Variants in FOXP1 observed in about 807,000 individuals in gnomAD.
The protein encoded by FOXP1 is forkhead box protein P1.
Under a neutral mutation model 98.2 loss-of-function variants are expected in FOXP1, and 15 were observed. The ratio of observed to expected loss-of-function variants is 0.15; its 90% confidence interval spans 0.10 to 0.24. The LOEUF (loss-of-function observed/expected upper bound fraction) is 0.24, where lower values mean the gene tolerates loss of function less well. Among genes scored for constraint, FOXP1 ranks in the 10% least tolerant of loss-of-function variants. The probability of loss-of-function intolerance (pLI) is 1.00; values close to 1 mark genes in which losing one functional copy is unlikely to be tolerated. For missense variants in FOXP1, 633 were observed against 848.5 expected (o/e 0.75, Z 3.15); for synonymous variants, 371 against 314.5 (o/e 1.18, Z -1.90).
chr3:71,358,168 A>T (rs770913247), intron 4 of FOXP1, among the ~76,000 whole-genome samples: 2 of 152,180 alleles, frequency 1.3e-5, no homozygotes, highest in Non-Finnish European at 2.9e-5. Context: ...GGCCTATATT[A>T]AAGGTGAGAT....
intron 2 of FOXP1, among the ~76,000 whole-genome samples, chr3:71,502,180 C>G: frequency 6.6e-6 from 1 of 152,190 alleles, no homozygotes; most frequent in East Asian, 1.9e-4. Context: ...AAACACAAAC[C>G]TTCCGTTCCC....
rs1265740691 is a variant in FOXP1 at position 71,379,350 on chromosome 3, T to C, written c.-167-20106A>G. ...GAAGTTGTTCTCTTTTCAATTCCAC[T>C]TGAACCCTTCAAATTATGTCAAGGA... On this transcript the variant is annotated intron_variant, in intron 3 of 20. Transcript: ENST00000649528. 5.3e-5 allele frequency among the ~76,000 whole-genome samples: 8 copies of C among 152,210 alleles called. 1 individual carries two copies. The highest frequency in any genetic ancestry group is 5.9e-5 in the Non-Finnish European group (4 of 68,046).
At chr3:71,510,336 G>A (rs773469670) in intron 2 of FOXP1, among the ~76,000 whole-genome samples, 4 of 151,750 alleles carry the variant, frequency 2.6e-5, no homozygotes, top group Non-Finnish European at 4.4e-5. Context: ...AATTAGCCAG[G>A]TGTGGTGGTA....
chr3:71,052,093 T>G (rs1405248598), intron 9 of FOXP1, among the ~76,000 whole-genome samples: 1 of 152,150 alleles, frequency 6.6e-6, no homozygotes, highest in East Asian at 1.9e-4. Context: ...CATTTTTGTT[T>G]GTTTATCCAA....
At chr3:71,474,474 G>A (rs901441917) in intron 3 of FOXP1, among the ~76,000 whole-genome samples, 1 of 152,182 alleles carries the variant, frequency 6.6e-6, no homozygotes, top group African/African-American at 2.4e-5. Flanking sequence ...CCTGTTAGAA[G>A]CCAGGCTGCA....
intron 14 of FOXP1, among the ~76,000 whole-genome samples, chr3:70,980,179 G>T (rs748076953): frequency 5.3e-5 from 8 of 152,170 alleles, no homozygotes; most frequent in Non-Finnish European, 1.0e-4. Flanking sequence ...GCAGAGCTGA[G>T]AAGCCAAGGG....
At chr3:71,536,898 G>T (rs1278274648) in intron 2 of FOXP1, among the ~76,000 whole-genome samples, 1 of 152,114 alleles carries the variant, frequency 6.6e-6, no homozygotes, top group Non-Finnish European at 1.5e-5. Context: ...CAACACATGT[G>T]CAGAATAGCA....
At chr3:71,323,866 G>A (rs994275264) in intron 4 of FOXP1, among the ~76,000 whole-genome samples, 60 of 152,150 alleles carry the variant, frequency 3.9e-4, no homozygotes, top group African/African-American at 1.4e-3. Context: ...TGCTTCACCA[G>A]CAGGACACAG....
chr3:71,322,238 C>T (rs2075430275), intron 4 of FOXP1, among the ~76,000 whole-genome samples: 1 of 152,092 alleles, frequency 6.6e-6, no homozygotes, highest in South Asian at 2.1e-4. Context: ...AACATCTGGG[C>T]TATGAAAAAC....
chr3:71,546,859 C>T (rs1348025264), intron 2 of FOXP1, among the ~76,000 whole-genome samples: 1 of 152,152 alleles, frequency 6.6e-6, no homozygotes, highest in African/African-American at 2.4e-5. Context: ...TGGCTTGTTG[C>T]TTGAGCTTTC....
At position 71,198,279 on chromosome 3, in the gene FOXP1, C is replaced by A. The variant is rs1337954936; in HGVS notation, c.103G>T (p.Gly35Trp). 3.1e-6 allele frequency: 5 copies of A among 1,614,072 alleles called. No individual in the cohort carries two copies. Among genetic ancestry groups the A allele is most frequent in the Admixed American group, 1.7e-5 (1 of 60,004 alleles). Residue 35 changes from glycine to tryptophan, a missense_variant, in exon 6 of 21, where the codon GGG (glycine) becomes TGG (tryptophan). By Grantham distance (184) the Gly-to-Trp change is radical (BLOSUM62 -2). Coordinates refer to ENST00000649528, the MANE Select transcript of FOXP1 (RefSeq NM_001349338.3). ...HLLECGGLRE[G>W]RSNGETPAVD... ...GCCGGCGTCTCTCCGTTGGACCGCC[C>A]CTCCCGAAGACCGCCGCACTCTAGT... is the stretch of plus-strand genomic sequence containing the variant.
chr3:71,098,909 C>T (rs2056715319), intron 7 of FOXP1, among the ~76,000 whole-genome samples: 1 of 152,152 alleles, frequency 6.6e-6, no homozygotes. Context: ...AATAATGCTG[C>T]TAAAAGTAGT....
intron 5 of FOXP1, among the ~76,000 whole-genome samples, chr3:71,289,039 T>TTTATTTAG (rs1409291428): frequency 6.6e-6 from 1 of 152,010 alleles, no homozygotes; most frequent in Non-Finnish European, 1.5e-5. Context: ...TATTTATTTA[T>TTTATTTAG]TTATTTATTT....
intron 6 of FOXP1, among the ~76,000 whole-genome samples, chr3:71,116,943 G>GGATC (rs1355517172): frequency 1.5e-4 from 23 of 152,078 alleles, no homozygotes; most frequent in African/African-American, 5.3e-4. Context: ...ATGACTGATG[G>GGATC]GATCCCCTTT....
At chr3:71,203,938 GAGGAAGGAAGGA>G (rs3033228) in intron 5 of FOXP1, among the ~76,000 whole-genome samples, 1,621 of 131,432 alleles carry the variant, frequency 0.012, 9 homozygotes, top group East Asian at 0.024. Context: ...GAAAAGGAAG[GAGGAAGGAAGGA>G]AGGAAGGAAG....
At chr3:70,974,737 T>C (rs1408578320) in intron 17 of FOXP1, among the ~76,000 whole-genome samples, 1 of 152,218 alleles carries the variant, frequency 6.6e-6, no homozygotes, top group East Asian at 1.9e-4. Flanking sequence ...GTAAGAGATA[T>C]AACTTGAAAA....
intron 3 of FOXP1, among the ~76,000 whole-genome samples, chr3:71,432,990 C>G (rs1258727138): frequency 6.6e-6 from 1 of 151,862 alleles, no homozygotes. Context: ...TTAGAACACC[C>G]TGATCATTTT....
At chr3:71,523,949 A>T (rs1578001673) in intron 2 of FOXP1, among the ~76,000 whole-genome samples, 1 of 152,232 alleles carries the variant, frequency 6.6e-6, no homozygotes, top group Non-Finnish European at 1.5e-5. Flanking sequence ...CACGGAGATG[A>T]GGGAATGTGT....
At chr3:71,383,897 C>T (rs2108070776) in intron 3 of FOXP1, among the ~76,000 whole-genome samples, 1 of 152,266 alleles carries the variant, frequency 6.6e-6, no homozygotes, top group Admixed American at 6.5e-5. Flanking sequence ...ATAGAGAAAG[C>T]TCTTCAGAGA....
Sources: gnomAD v4.1 joint callset for allele counts (sites outside exome capture counted in the v4.1 genomes callset) on GRCh38, gnomAD v4.1.1 for gene constraint, MANE v1.5 for transcripts, NCBI Gene and HGNC (gene_info 2026-07-23, HGNC 2026-07-21) for gene names.